The following MAF variants were observed in gnomAD, a reference collection of about 807,000 sequenced individuals.
MAF encodes the protein MAF bZIP transcription factor.
A neutral mutation model predicts 22.0 loss-of-function variants in MAF; 10 were observed. The observed-to-expected ratio is 0.45, with a 90% confidence interval of 0.28 to 0.77. The LOEUF (loss-of-function observed/expected upper bound fraction) is 0.77, where lower values mean the gene tolerates loss of function less well. Among genes scored for constraint, MAF ranks in the 30% least tolerant of loss-of-function variants. The pLI is 0.12. For missense variants in MAF, 544 were observed against 548.4 expected (o/e 0.99, Z 0.08); for synonymous variants, 337 against 255.8 (o/e 1.32, Z -3.03).
At chr16:79,281,067 G>C in the MAF span, among the ~76,000 whole-genome samples, 2 of 152,126 alleles carry the variant, frequency 1.3e-5, no homozygotes, top group African/African-American at 4.8e-5. Flanking sequence ...AGGAAAAAGA[G>C]CAGAGAGGAA....
At chr16:79,402,797 G>T in the MAF span, among the ~76,000 whole-genome samples, 768 of 152,324 alleles carry the variant, frequency 5.0e-3, 5 homozygotes, top group Non-Finnish European at 8.6e-3. Flanking sequence ...GCTCTGTGGA[G>T]GCTCTCACTG....
chr16:79,310,535 G>T, the MAF span, among the ~76,000 whole-genome samples: 14 of 152,174 alleles, frequency 9.2e-5, no homozygotes, highest in African/African-American at 3.1e-4. Flanking sequence ...AGTTCAGATG[G>T]GAGGACTGCT....
the MAF span, among the ~76,000 whole-genome samples, chr16:79,548,018 A>G: frequency 6.6e-6 from 1 of 152,316 alleles, no homozygotes; most frequent in East Asian, 1.9e-4. Context: ...AAACAGGTTC[A>G]CACACACAAA....
the MAF span, among the ~76,000 whole-genome samples, chr16:79,463,286 A>G: frequency 4.6e-5 from 7 of 152,224 alleles, no homozygotes; most frequent in East Asian, 1.3e-3. Flanking sequence ...ACACCATGGT[A>G]GGTACTGGAT....
At chr16:79,340,022 T>C in the MAF span, among the ~76,000 whole-genome samples, 1 of 152,214 alleles carries the variant, frequency 6.6e-6, no homozygotes, top group Admixed American at 6.5e-5. Context: ...TGATTAGTTT[T>C]GATGGACTGC....
At chr16:79,230,098 G>C in the MAF span, among the ~76,000 whole-genome samples, 1 of 152,050 alleles carries the variant, frequency 6.6e-6, no homozygotes, top group Non-Finnish European at 1.5e-5. Context: ...TTGTAAACAG[G>C]TTGTAAACAC....
the MAF span, among the ~76,000 whole-genome samples, chr16:79,219,596 G>C: frequency 8.3e-5 from 12 of 144,506 alleles, no homozygotes; most frequent in African/African-American, 1.0e-4. Context: ...CTTTTGAAGT[G>C]AATGTTACTG....
At chr16:79,493,043 C>T in the MAF span, among the ~76,000 whole-genome samples, 3 of 151,846 alleles carry the variant, frequency 2.0e-5, no homozygotes, top group South Asian at 6.2e-4. Context: ...ACTGCAACCT[C>T]ATCTCAAGGG....
the MAF span, among the ~76,000 whole-genome samples, chr16:79,222,963 G>A: frequency 1.3e-5 from 2 of 152,256 alleles, no homozygotes; most frequent in Admixed American, 1.3e-4. Context: ...ATATCGACGA[G>A]ACAGAAAATT....
At chr16:79,556,324 C>A in the MAF span, among the ~76,000 whole-genome samples, 13 of 152,116 alleles carry the variant, frequency 8.5e-5, no homozygotes, top group African/African-American at 2.9e-4. Flanking sequence ...AGATTCCTAC[C>A]CAGCTTTTAC....
At chr16:79,489,714 G>A in the MAF span, among the ~76,000 whole-genome samples, 2 of 152,192 alleles carry the variant, frequency 1.3e-5, no homozygotes, top group Non-Finnish European at 2.9e-5. Flanking sequence ...AGAAGATGAG[G>A]GCAAAATAGA....
At chr16:79,497,630 G>C in the MAF span, among the ~76,000 whole-genome samples, 1 of 152,228 alleles carries the variant, frequency 6.6e-6, no homozygotes, top group African/African-American at 2.4e-5. Context: ...GAGGAATCTG[G>C]TGAGGTCTAG....
intron 1 of MAF, chr16:79,597,698 A>T: frequency 2.0e-6 from 2 of 1,020,570 alleles, no homozygotes; most frequent in Non-Finnish European, 1.2e-6. Context: ...GCAATAAAAC[A>T]AAAGTATGAA....
At chr16:79,596,363 AT>A in intron 1 of MAF, 1 of 1,059,334 alleles carries the variant, frequency 9.4e-7, no homozygotes, top group Non-Finnish European at 1.1e-6. Flanking sequence ...TTCACCCTGA[AT>A]TACTGTCTCC....
the MAF span, among the ~76,000 whole-genome samples, chr16:79,251,848 T>TA: frequency 2.4e-4 from 37 of 152,322 alleles, no homozygotes; most frequent in South Asian, 7.0e-3. Context: ...CATGATAATT[T>TA]AAAAAAAATT....
the MAF span, among the ~76,000 whole-genome samples, chr16:79,471,616 G>T: frequency 1.1e-4 from 16 of 152,330 alleles, no homozygotes; most frequent in African/African-American, 3.8e-4. Context: ...AGCAGAGGTT[G>T]CAGTGAGCTG....
chr16:79,573,909 G>T, the MAF span, among the ~76,000 whole-genome samples: 2 of 152,168 alleles, frequency 1.3e-5, no homozygotes, highest in African/African-American at 4.8e-5. Context: ...TGTCATCTTG[G>T]TCATTTCACA....
the MAF span, among the ~76,000 whole-genome samples, chr16:79,379,450 G>A: frequency 2.6e-5 from 4 of 151,848 alleles, no homozygotes; most frequent in African/African-American, 7.3e-5. Flanking sequence ...ATCTGGGCAG[G>A]GTCAGAGGAC....
the MAF span, among the ~76,000 whole-genome samples, chr16:79,209,710 G>C: frequency 1.3e-5 from 2 of 152,334 alleles, no homozygotes; most frequent in East Asian, 1.9e-4. Context: ...TACTTGGCTT[G>C]AGTTAGCTGG....
Sources: allele counts gnomAD v4.1 joint callset (sites outside exome capture counted in the v4.1 genomes callset), GRCh38; gene constraint gnomAD v4.1.1; transcripts MANE v1.5; gene names NCBI Gene and HGNC (gene_info 2026-07-23, HGNC 2026-07-21).